LY96: variants seen among roughly 807,000 people sequenced by gnomAD.
LY96 encodes the protein myeloid differentiation protein-2.
Under a neutral mutation model 18.9 loss-of-function variants are expected in LY96, and 18 were observed. That is an observed-to-expected ratio of 0.95 (90% CI 0.66 to 1.41). The LOEUF (loss-of-function observed/expected upper bound fraction) is 1.41, where lower values mean the gene tolerates loss of function less well. Ranked by LOEUF, LY96 falls within the 40% of genes most tolerant of loss-of-function variation. LY96 has a pLI of 0.00. For missense variants in LY96, 175 were observed against 182.4 expected (o/e 0.96, Z 0.23); for synonymous variants, 66 against 62.6 (o/e 1.06, Z -0.26).
chr8:74,046,081 C>T, the LY96 span, among the ~76,000 whole-genome samples: 1 of 152,174 alleles, frequency 6.6e-6, no homozygotes, highest in East Asian at 1.9e-4. Flanking sequence ...GAGTTCGAGA[C>T]AAGGCTGGAT....
At chr8:74,043,564 G>A in the LY96 span, among the ~76,000 whole-genome samples, 1 of 152,120 alleles carries the variant, frequency 6.6e-6, no homozygotes, top group Admixed American at 6.5e-5. Context: ...TTGCCAAGGA[G>A]GTTGACACAT....
chr8:74,046,232 T>C, the LY96 span, among the ~76,000 whole-genome samples: 1 of 152,168 alleles, frequency 6.6e-6, no homozygotes, highest in African/African-American at 2.4e-5. Context: ...TGAACTGAGA[T>C]TGTGCCACTG....
chr8:74,008,970 C>A (rs1301481184), intron 2 of LY96, among the ~76,000 whole-genome samples: 2 of 152,142 alleles, frequency 1.3e-5, no homozygotes, highest in African/African-American at 4.8e-5. Context: ...TTCTGTTAAG[C>A]ATAGCCAAGT....
At chr8:74,092,004 C>T in the LY96 span, among the ~76,000 whole-genome samples, 2 of 152,098 alleles carry the variant, frequency 1.3e-5, no homozygotes, top group South Asian at 2.1e-4. Flanking sequence ...TAGAATAAGC[C>T]CCCTTCCTTT....
At chr8:74,085,594 C>G in the LY96 span, among the ~76,000 whole-genome samples, 1 of 152,222 alleles carries the variant, frequency 6.6e-6, no homozygotes, top group Non-Finnish European at 1.5e-5. Context: ...TTCTGCTTTT[C>G]CAACTCTGCC....
the LY96 span, among the ~76,000 whole-genome samples, chr8:74,098,733 G>A: frequency 1.3e-5 from 2 of 152,302 alleles, no homozygotes; most frequent in South Asian, 4.1e-4. Flanking sequence ...TGTTGCTCTT[G>A]ACAGCAGCTG....
At chr8:74,084,247 A>G in the LY96 span, among the ~76,000 whole-genome samples, 1 of 152,136 alleles carries the variant, frequency 6.6e-6, no homozygotes, top group African/African-American at 2.4e-5. Context: ...CTATCTGGAG[A>G]CACAAAATGC....
chr8:74,038,530 C>T, the LY96 span, among the ~76,000 whole-genome samples: 274 of 152,222 alleles, frequency 1.8e-3, 1 homozygote, highest in African/African-American at 6.4e-3. Context: ...GGATCTTATT[C>T]TTGCTCTTGT....
intron 3 of LY96, among the ~76,000 whole-genome samples, chr8:74,020,149 A>T (rs144144072): frequency 6.6e-6 from 1 of 152,316 alleles, no homozygotes; most frequent in Non-Finnish European, 1.5e-5. Context: ...TTCAGATGAC[A>T]TGATTGTATA....
chr8:74,081,087 C>CTCTTTCTTTCTT, the LY96 span, among the ~76,000 whole-genome samples: 8,995 of 92,644 alleles, frequency 0.097, 721 homozygotes, highest in East Asian at 0.21. Flanking sequence ...TTCTCTTTCT[C>CTCTTTCTTTCTT]TCTTTCTTTC....
the LY96 span, among the ~76,000 whole-genome samples, chr8:74,070,605 T>C: frequency 1.3e-5 from 2 of 152,224 alleles, no homozygotes; most frequent in African/African-American, 4.8e-5. Context: ...CTGACTCCTG[T>C]GTCCCTTTGT....
chr8:74,057,200 A>G, the LY96 span, among the ~76,000 whole-genome samples: 1 of 152,150 alleles, frequency 6.6e-6, no homozygotes, highest in African/African-American at 2.4e-5. Flanking sequence ...TCCCCTTGCA[A>G]CACTAAGGAA....
the LY96 span, among the ~76,000 whole-genome samples, chr8:74,098,187 G>A: frequency 6.6e-6 from 1 of 152,192 alleles, no homozygotes; most frequent in African/African-American, 2.4e-5. Context: ...TAGCCCTTCG[G>A]TATTCAATAC....
At chr8:74,017,315 C>T (rs552861492) in intron 3 of LY96, among the ~76,000 whole-genome samples, 10 of 152,014 alleles carry the variant, frequency 6.6e-5, no homozygotes, top group Non-Finnish European at 1.3e-4. Flanking sequence ...GATTGAAGAT[C>T]AAATTAGTGA....
At chr8:74,028,043 AT>A (rs1259815118) in intron 4 of LY96, among the ~76,000 whole-genome samples, 2 of 152,122 alleles carry the variant, frequency 1.3e-5, no homozygotes, top group African/African-American at 4.8e-5. Context: ...TTATTTTGTT[AT>A]GGTTTAAGAA....
Position 74,003,451 on chromosome 8 carries a change from G to A in LY96, c.113-1345G>A, listed in dbSNP as rs565766267. On this transcript the variant is annotated intron_variant, in intron 1 of 4. Coordinates refer to ENST00000284818, the MANE Select transcript of LY96 (RefSeq NM_015364.5). ...CAGGACTATACATGAACATTGCTAT[G>A]CAACCCAGATGTCTGTTATCTAGGT... 3.9e-5 allele frequency among the ~76,000 whole-genome samples: 6 copies of A among 152,300 alleles called. No homozygotes were observed. The East Asian group carries it at 1.2e-3, about 29-fold the overall frequency.
At chr8:74,096,620 T>C in the LY96 span, among the ~76,000 whole-genome samples, 1 of 152,232 alleles carries the variant, frequency 6.6e-6, no homozygotes, top group Non-Finnish European at 1.5e-5. Flanking sequence ...TAGTAAGATA[T>C]TATATAATAT....
intron 1 of LY96, among the ~76,000 whole-genome samples, chr8:73,995,235 C>T (rs1008672237): frequency 2.0e-5 from 3 of 152,140 alleles, no homozygotes; most frequent in East Asian, 1.9e-4. Flanking sequence ...TACCAGCCTC[C>T]GGAACTGTGA....
chr8:74,047,339 C>A, the LY96 span, among the ~76,000 whole-genome samples: 1 of 152,206 alleles, frequency 6.6e-6, no homozygotes, highest in Non-Finnish European at 1.5e-5. Flanking sequence ...GACTTCCTTG[C>A]ACAGCCAAGA....
Sources: allele counts gnomAD v4.1 joint callset (sites outside exome capture counted in the v4.1 genomes callset), GRCh38; gene constraint gnomAD v4.1.1; transcripts MANE v1.5; gene names NCBI Gene and HGNC (gene_info 2026-07-23, HGNC 2026-07-21).